Variants in NKAIN3 observed in about 807,000 individuals in gnomAD.
The protein encoded by NKAIN3 is sodium/potassium-transporting ATPase subunit beta-1-interacting protein 3.
A neutral mutation model predicts 30.2 loss-of-function variants in NKAIN3; 25 were observed. That is an observed-to-expected ratio of 0.83 (90% CI 0.60 to 1.16). The LOEUF (loss-of-function observed/expected upper bound fraction) is 1.16. NKAIN3 is among the 50% of genes most tolerant of loss of function. The pLI is 0.00. For missense variants in NKAIN3, 225 were observed against 254.1 expected (o/e 0.89, Z 0.78); for synonymous variants, 91 against 89.6 (o/e 1.02, Z -0.09).
intron 1 of NKAIN3, among the ~76,000 whole-genome samples, chr8:62,507,598 G>A (rs914059046): frequency 6.6e-6 from 1 of 151,976 alleles, no homozygotes; most frequent in Admixed American, 6.6e-5. Flanking sequence ...TTTGTTAATT[G>A]CAAACCACAA....
At chr8:62,639,828 A>G (rs1017657326) in intron 3 of NKAIN3, among the ~76,000 whole-genome samples, 1 of 152,012 alleles carries the variant, frequency 6.6e-6, no homozygotes, top group Non-Finnish European at 1.5e-5. Context: ...CTTTTTATTA[A>G]TAAGGAATGA....
chr8:62,784,687 G>A (rs1047268762), intron 4 of NKAIN3, among the ~76,000 whole-genome samples: 1 of 151,982 alleles, frequency 6.6e-6, no homozygotes, highest in African/African-American at 2.4e-5. Context: ...GAATTCTATC[G>A]AATATTTTTA....
chr8:62,985,987 C>T (rs1824191927), downstream of NKAIN3, among the ~76,000 whole-genome samples: 1 of 152,190 alleles, frequency 6.6e-6, no homozygotes, highest in Non-Finnish European at 1.5e-5. Flanking sequence ...TGTCTATCTA[C>T]TTACAAGCCA....
rs71974501 is a variant in NKAIN3, at chr8:62,580,906, T to TATA, written c.192+1230_192+1231insATA. 3.4e-3 allele frequency among the ~76,000 whole-genome samples: 387 copies of TATA among 112,310 alleles called. 1 individual carries two copies. Among genetic ancestry groups the TATA allele is most frequent in the Non-Finnish European group, 6.3e-3 (303 of 48,326 alleles). The allele number at this position is 112,310 out of a possible 152,430, so 73.7% of individuals were successfully genotyped here. ...AGGAGTTCAAGAGCAGCTAGGGTTT[T>TATA]TATATATATATATATATATAGAAAT... On this transcript the variant is annotated intron_variant, in intron 2 of 6. Transcript: ENST00000623646.
chr8:62,842,281 A>G (rs1042354415), intron 4 of NKAIN3, among the ~76,000 whole-genome samples: 1 of 152,140 alleles, frequency 6.6e-6, no homozygotes, highest in Non-Finnish European at 1.5e-5. Flanking sequence ...AAAAAAATTT[A>G]AAACTTAGAT....
intron 4 of NKAIN3, among the ~76,000 whole-genome samples, chr8:62,899,746 G>C (rs1821543524): frequency 6.6e-6 from 1 of 152,048 alleles, no homozygotes; most frequent in Non-Finnish European, 1.5e-5. Context: ...AGTATAATTT[G>C]GATTGTTTGT....
chr8:62,843,163 A>C (rs375779197), intron 4 of NKAIN3, among the ~76,000 whole-genome samples: 3 of 151,944 alleles, frequency 2.0e-5, no homozygotes, highest in East Asian at 1.9e-4. Flanking sequence ...GAATTCAGCC[A>C]GTTGTTGGTT....
chr8:62,794,887 T>C (rs1040045627), intron 4 of NKAIN3, among the ~76,000 whole-genome samples: 33 of 152,166 alleles, frequency 2.2e-4, no homozygotes, highest in African/African-American at 7.7e-4. Context: ...CTGCTTCTTT[T>C]ATTGCCTTTC....
intron 1 of NKAIN3, among the ~76,000 whole-genome samples, chr8:62,547,124 A>G (rs71525491): frequency 0.018 from 2,674 of 152,310 alleles, 40 homozygotes; most frequent in Middle Eastern, 0.034. Flanking sequence ...TGCCCAAAAA[A>G]GACATCAGCA....
chr8:62,727,085 G>A (rs138382029), intron 3 of NKAIN3, among the ~76,000 whole-genome samples: 5 of 152,140 alleles, frequency 3.3e-5, no homozygotes, highest in Middle Eastern at 3.4e-3. Context: ...ACATCAGCAG[G>A]CTAAAGAAGA....
chr8:62,253,225 C>G (rs1252478406), intron 1 of NKAIN3, among the ~76,000 whole-genome samples: 1 of 152,148 alleles, frequency 6.6e-6, no homozygotes, highest in Admixed American at 6.5e-5. Context: ...ACCAGAAACC[C>G]TACAAGATTT....
intron 4 of NKAIN3, among the ~76,000 whole-genome samples, chr8:62,829,144 C>T (rs1819117146): frequency 6.6e-6 from 1 of 152,184 alleles, no homozygotes; most frequent in African/African-American, 2.4e-5. Context: ...TTAAACCATT[C>T]TTCAAGAAAA....
chr8:62,534,637 C>T (rs572554235), intron 1 of NKAIN3, among the ~76,000 whole-genome samples: 1 of 152,110 alleles, frequency 6.6e-6, no homozygotes, highest in Non-Finnish European at 1.5e-5. Flanking sequence ...AATCAGAGTA[C>T]TGGGCCCCAC....
intron 3 of NKAIN3, among the ~76,000 whole-genome samples, chr8:62,738,145 G>A (rs1217089662): frequency 2.0e-5 from 3 of 152,102 alleles, no homozygotes; most frequent in Admixed American, 6.5e-5. Flanking sequence ...GTGTAAAATC[G>A]TTCCTATTTC....
chr8:62,357,492 C>T (rs1450292111), intron 1 of NKAIN3, among the ~76,000 whole-genome samples: 2 of 152,062 alleles, frequency 1.3e-5, no homozygotes, highest in African/African-American at 2.4e-5. Flanking sequence ...TGCTGAAAAA[C>T]TCTTATTTGC....
At chr8:62,704,505 A>C (rs1408618547) in intron 3 of NKAIN3, among the ~76,000 whole-genome samples, 1 of 152,106 alleles carries the variant, frequency 6.6e-6, no homozygotes, top group Non-Finnish European at 1.5e-5. Flanking sequence ...GGCTTTACTC[A>C]AACGTCTAAC....
rs142950197 is a variant in NKAIN3 at position 62,642,466 on chromosome 8, G to A, written c.273+52672G>A. Among the ~76,000 whole-genome samples, 47 of 152,026 alleles carry A rather than the reference G, an allele frequency of 3.1e-4. No homozygotes were observed. In the East Asian group the frequency reaches 8.9e-3, roughly 29 times the overall value. On this transcript the variant is annotated intron_variant, in intron 3 of 6. Transcript: ENST00000623646. ...CTGATTTTGACATTGGATAATGTTG[G>A]TGCTGACCTCTGACTGCCAGGTTCT...
chr8:62,421,228 C>G (rs1804628985), intron 1 of NKAIN3, among the ~76,000 whole-genome samples: 1 of 152,148 alleles, frequency 6.6e-6, no homozygotes, highest in Non-Finnish European at 1.5e-5. Flanking sequence ...TGGTACTAAC[C>G]TCTGGCTATA....
At chr8:62,772,142 A>G (rs906456757) in intron 4 of NKAIN3, among the ~76,000 whole-genome samples, 5 of 152,166 alleles carry the variant, frequency 3.3e-5, no homozygotes, top group African/African-American at 1.2e-4. Context: ...ACTACCTGCA[A>G]ATAAGTGAGA....
Sources: allele counts gnomAD v4.1 joint callset (sites outside exome capture counted in the v4.1 genomes callset), GRCh38; gene constraint gnomAD v4.1.1; transcripts MANE v1.5; gene names NCBI Gene and HGNC (gene_info 2026-07-23, HGNC 2026-07-21).